Variants in ANO3 observed in about 807,000 individuals in gnomAD.
ANO3 encodes the protein anoctamin 3.
Under a neutral mutation model 144.8 loss-of-function variants are expected in ANO3, and 99 were observed. The observed-to-expected ratio is 0.68, with a 90% confidence interval of 0.58 to 0.81. The LOEUF (loss-of-function observed/expected upper bound fraction) is 0.81. Among genes scored for constraint, ANO3 ranks in the 30% least tolerant of loss-of-function variants. ANO3 has a pLI of 0.00. For synonymous variants in ANO3, 414 were observed against 392.6 expected (o/e 1.05, Z -0.64); for missense variants, 905 against 1,202.2 (o/e 0.75, Z 3.66).
intron 24 of ANO3, among the ~76,000 whole-genome samples, chr11:26,655,782 GAAT>G (rs1853667772): frequency 2.6e-5 from 4 of 152,050 alleles, no homozygotes; most frequent in African/African-American, 4.8e-5. Context: ...AATTATAATT[GAAT>G]AATATTATGT....
intron 1 of ANO3, among the ~76,000 whole-genome samples, chr11:26,273,636 A>G (rs573671284): frequency 1.0e-3 from 67 of 65,086 alleles, no homozygotes; most frequent in African/African-American, 2.9e-3. Flanking sequence ...GATATGGCAC[A>G]CACACACACA....
At chr11:26,529,407 A>G (rs368125388) in intron 7 of ANO3, among the ~76,000 whole-genome samples, 1 of 792 alleles carries the variant, frequency 1.3e-3, no homozygotes, top group Non-Finnish European at 2.8e-3. Context: ...TTATATAATA[A>G]TATATAATAA....
At chr11:26,266,432 ATTTT>A (rs201955022) in intron 1 of ANO3, among the ~76,000 whole-genome samples, 39 of 134,256 alleles carry the variant, frequency 2.9e-4, no homozygotes, top group African/African-American at 1.1e-3. Flanking sequence ...AACAAATGTA[ATTTT>A]TTTTTTTTTT....
At chr11:26,262,719 A>AACACACACACACACACACAC (rs144643690) in intron 1 of ANO3, among the ~76,000 whole-genome samples, 2,375 of 149,086 alleles carry the variant, frequency 0.016, 47 homozygotes, top group East Asian at 0.095. Flanking sequence ...CCTTATAGTA[A>AACACACACACACACACACAC]ACACACACAC....
chr11:26,254,744 T>C (rs1454718494), intron 1 of ANO3, among the ~76,000 whole-genome samples: 1 of 152,178 alleles, frequency 6.6e-6, no homozygotes, highest in East Asian at 1.9e-4. Flanking sequence ...AAACCATGTC[T>C]AAATAGCAGA....
At chr11:26,504,516 A>T in intron 4 of ANO3, among the ~76,000 whole-genome samples, 1 of 130,678 alleles carries the variant, frequency 7.7e-6, no homozygotes, top group East Asian at 2.0e-4. Flanking sequence ...AACAAAAGAT[A>T]ATTAATGAAT....
chr11:26,584,181 A>C (rs1851213430), intron 14 of ANO3, among the ~76,000 whole-genome samples: 1 of 151,852 alleles, frequency 6.6e-6, no homozygotes, highest in South Asian at 2.1e-4. Context: ...GTTTGTTGAG[A>C]TGTAGTCTCA....
At chr11:26,261,201 G>A (rs991866166) in intron 1 of ANO3, among the ~76,000 whole-genome samples, 1 of 151,994 alleles carries the variant, frequency 6.6e-6, no homozygotes, top group African/African-American at 2.4e-5. Context: ...CTTTGGGATG[G>A]CTTTTCACTA....
intron 23 of ANO3, 66 bp downstream of exon 23, chr11:26,643,400 G>GC: frequency 6.4e-7 from 1 of 1,570,726 alleles, no homozygotes; most frequent in Non-Finnish European, 8.7e-7. Context: ...GTTTGAGTGT[G>GC]CCCCCAGATT....
intron 1 of ANO3, among the ~76,000 whole-genome samples, chr11:26,204,365 G>T (rs190385669): frequency 1.6e-4 from 25 of 152,106 alleles, no homozygotes; most frequent in African/African-American, 5.8e-4. Context: ...TTCTAGAAGG[G>T]CAAGGAGCTA....
At chr11:26,247,175 A>C (rs1406557987) in intron 1 of ANO3, among the ~76,000 whole-genome samples, 1 of 152,232 alleles carries the variant, frequency 6.6e-6, no homozygotes, top group Non-Finnish European at 1.5e-5. Flanking sequence ...TGAGATTAAA[A>C]GACCAATTAT....
chr11:26,195,052 T>A (rs1244842234), intron 1 of ANO3, among the ~76,000 whole-genome samples: 4 of 152,210 alleles, frequency 2.6e-5, no homozygotes, highest in African/African-American at 9.6e-5. Context: ...CCTATAGATG[T>A]CTGTGGGCAT....
intron 1 of ANO3, among the ~76,000 whole-genome samples, chr11:26,388,514 T>G (rs117498265): frequency 0.033 from 4,988 of 152,260 alleles, 114 homozygotes; most frequent in Non-Finnish European, 0.051. Flanking sequence ...ATAGCTAAAA[T>G]GTACTAAGCA....
chr11:26,525,650 C>T lies in ANO3; in HGVS notation c.708C>T (p.Tyr236=). 1 of 1,610,614 alleles carries T rather than the reference C, an allele frequency of 6.2e-7. No homozygotes were observed. Among genetic ancestry groups the T allele is most frequent in the South Asian group, 1.1e-5 (1 of 90,408 alleles). Residue 236 remains tyrosine (Y), a synonymous_variant, in exon 7 of 27, where the codon TAC becomes TAT. Transcript: ENST00000256737. ...IRMPFRKKCY[Y]TDGRSKSMGR... ...ATTTTTTCAGGAAAAAATGCTATTACACTGACGGGAGGAGCAAATCAATGG... is the reference window on the plus strand; with the variant it reads ...ATTTTTTCAGGAAAAAATGCTATTATACTGACGGGAGGAGCAAATCAATGG...
chr11:26,266,847 C>T (rs1038501951), intron 1 of ANO3, among the ~76,000 whole-genome samples: 1 of 150,694 alleles, frequency 6.6e-6, no homozygotes, highest in African/African-American at 2.4e-5. Flanking sequence ...TTTGGGAGGC[C>T]GAGGCGGGCG....
intron 1 of ANO3, among the ~76,000 whole-genome samples, chr11:26,316,690 T>C (rs1215666106): frequency 6.6e-6 from 1 of 152,172 alleles, no homozygotes; most frequent in Non-Finnish European, 1.5e-5. Context: ...ATCTTATCCA[T>C]ATGAACAGGT....
chr11:26,190,089 A>G (rs954934272), intron 1 of ANO3, among the ~76,000 whole-genome samples: 3 of 152,212 alleles, frequency 2.0e-5, no homozygotes, highest in Non-Finnish European at 4.4e-5. Flanking sequence ...TAAAACAGCC[A>G]TAATTTGTTT....
chr11:26,487,090 A>G (rs559169505), intron 4 of ANO3, among the ~76,000 whole-genome samples: 3 of 152,312 alleles, frequency 2.0e-5, no homozygotes, highest in Non-Finnish European at 4.4e-5. Context: ...CAGTCTTTTA[A>G]CCCAAACACC....
intron 1 of ANO3, chr11:26,427,302 C>G (rs1197896759): frequency 1.3e-5 from 2 of 153,546 alleles, no homozygotes; most frequent in African/African-American, 4.8e-5. Flanking sequence ...CCACCTGCAC[C>G]TTGATGGCAG....
Sources: gnomAD v4.1 joint callset for allele counts (sites outside exome capture counted in the v4.1 genomes callset) on GRCh38, gnomAD v4.1.1 for gene constraint, MANE v1.5 for transcripts, NCBI Gene and HGNC (gene_info 2026-07-23, HGNC 2026-07-21) for gene names.